CTIF: variants seen among roughly 807,000 people sequenced by gnomAD.
CTIF encodes cap binding complex dependent translation initiation factor.
A neutral mutation model predicts 66.0 loss-of-function variants in CTIF; 21 were observed. The observed-to-expected ratio is 0.32, with a 90% CI of 0.23 to 0.46. The LOEUF (loss-of-function observed/expected upper bound fraction) is 0.46, where lower values mean the gene tolerates loss of function less well. CTIF is among the 20% of genes least tolerant of loss of function. The probability of loss-of-function intolerance (pLI) is 1.00; values close to 1 mark genes in which losing one functional copy is unlikely to be tolerated. For synonymous variants in CTIF, 345 were observed against 326.4 expected, an observed-to-expected ratio of 1.06 and a Z score of -0.62; for missense variants, 739 against 812.7, an observed-to-expected ratio of 0.91 and a Z score of 1.10.
chr18:48,740,053 T>C (rs981751361), intron 7 of CTIF, among the ~76,000 whole-genome samples: 2 of 152,240 alleles, frequency 1.3e-5, no homozygotes, highest in African/African-American at 2.4e-5. Flanking sequence ...GGTGCTATTA[T>C]GTTCACATCT....
At chr18:48,745,590 G>A (rs1020913897) in intron 7 of CTIF, among the ~76,000 whole-genome samples, 1 of 152,156 alleles carries the variant, frequency 6.6e-6, no homozygotes, top group African/African-American at 2.4e-5. Context: ...TATCATAAGG[G>A]AAAGCCTTTC....
intron 1 of CTIF, among the ~76,000 whole-genome samples, chr18:48,606,649 A>T (rs1806082351): frequency 6.6e-6 from 1 of 152,178 alleles, no homozygotes; most frequent in South Asian, 2.1e-4. Context: ...AGGAGGGACG[A>T]CAGGGTCTAG....
chr18:48,783,043 T>G (rs1177429361), intron 9 of CTIF, among the ~76,000 whole-genome samples: 3 of 152,196 alleles, frequency 2.0e-5, no homozygotes, highest in Non-Finnish European at 4.4e-5. Flanking sequence ...CAATTAACAT[T>G]TACCTGTCCT....
chr18:48,791,930 A>C (rs984649597), intron 9 of CTIF, among the ~76,000 whole-genome samples: 1 of 151,648 alleles, frequency 6.6e-6, no homozygotes, highest in Non-Finnish European at 1.5e-5. Flanking sequence ...TTCATTCAAC[A>C]CTCCATGAAT....
chr18:48,776,324 C>G (rs555314356), intron 9 of CTIF, among the ~76,000 whole-genome samples: 55 of 152,364 alleles, frequency 3.6e-4, no homozygotes, highest in African/African-American at 1.3e-3. Context: ...GCCCACCGCC[C>G]AACCAGGCAC....
intron 3 of CTIF, among the ~76,000 whole-genome samples, chr18:48,651,569 T>G (rs2091156604): frequency 6.6e-6 from 1 of 151,870 alleles, no homozygotes; most frequent in African/African-American, 2.4e-5. Flanking sequence ...AGACAGAAGG[T>G]TAACAAGGAT....
chr18:48,814,540 C>A (rs752384705), intron 9 of CTIF, among the ~76,000 whole-genome samples: 17 of 152,164 alleles, frequency 1.1e-4, no homozygotes, highest in Non-Finnish European at 1.5e-4. Context: ...CCTTAGTTGT[C>A]CCCATTTTAA....
chr18:48,630,334 T>C (rs2090680771), intron 2 of CTIF, among the ~76,000 whole-genome samples: 1 of 152,204 alleles, frequency 6.6e-6, no homozygotes, highest in African/African-American at 2.4e-5. Context: ...AAGTAGCTTC[T>C]CACTTGTCTT....
chr18:48,622,519 G>A (rs1320735716), intron 2 of CTIF, among the ~76,000 whole-genome samples: 1 of 152,170 alleles, frequency 6.6e-6, no homozygotes, highest in Non-Finnish European at 1.5e-5. Flanking sequence ...TGAGGAATGT[G>A]GGAGCAAGGT....
At chr18:48,692,006 C>T (rs1287765701) in intron 6 of CTIF, among the ~76,000 whole-genome samples, 1 of 152,268 alleles carries the variant, frequency 6.6e-6, no homozygotes, top group East Asian at 1.9e-4. Flanking sequence ...TTCAGCCTCC[C>T]GAGTAGCTGG....
At chr18:48,766,685 C>A (rs1909577167) in intron 9 of CTIF, among the ~76,000 whole-genome samples, 1 of 152,200 alleles carries the variant, frequency 6.6e-6, no homozygotes, top group African/African-American at 2.4e-5. Flanking sequence ...ATGCCGCGAA[C>A]CAGTCAAGAA....
chr18:48,760,013 ACTTTC>A (rs1358064388), intron 8 of CTIF, among the ~76,000 whole-genome samples: 1 of 152,180 alleles, frequency 6.6e-6, no homozygotes, highest in East Asian at 1.9e-4. Context: ...GGAGAGCAAC[ACTTTC>A]CTTCTCTCTT....
intron 3 of CTIF, among the ~76,000 whole-genome samples, chr18:48,653,175 G>A (rs1207731385): frequency 6.6e-6 from 1 of 152,226 alleles, no homozygotes; most frequent in Non-Finnish European, 1.5e-5. Flanking sequence ...ATGAGGAAAA[G>A]AGGAAATCAA....
Position 48,617,324 on chromosome 18 carries a change from G to A in CTIF, c.-28-2214G>A, listed in dbSNP as rs186667649. On this transcript the variant is annotated intron_variant, in intron 1 of 11. Coordinates refer to ENST00000256413, the MANE Select transcript of CTIF (RefSeq NM_014772.3). Reference sequence around the variant, plus strand: ...TGAGCTCTAGTCCCAGATTTAATGGGCTCAAGTGCTTGGGTCAGGCCCTCC... The same window carrying A: ...TGAGCTCTAGTCCCAGATTTAATGGACTCAAGTGCTTGGGTCAGGCCCTCC... Among the ~76,000 whole-genome samples the A allele has an allele frequency of 3.3e-3, 499 of 152,306 alleles. 2 individuals are homozygous for A. The highest frequency in any genetic ancestry group is 5.8e-3 in the Non-Finnish European group (396 of 68,034).
At chr18:48,562,084 G>A (rs574406399) in intron 1 of CTIF, among the ~76,000 whole-genome samples, 2 of 152,154 alleles carry the variant, frequency 1.3e-5, no homozygotes, top group Non-Finnish European at 2.9e-5. Flanking sequence ...TAAAACAATG[G>A]TTTTCAACTT....
chr18:48,650,525 G>T (rs2091136534), intron 3 of CTIF, among the ~76,000 whole-genome samples: 1 of 151,730 alleles, frequency 6.6e-6, no homozygotes, highest in Middle Eastern at 3.4e-3. Flanking sequence ...AAAGCAAAAG[G>T]GAGAACCAAG....
chr18:48,758,491 G>A, intron 8 of CTIF, 86 bp downstream of exon 8: 1 of 1,483,422 alleles, frequency 6.7e-7, no homozygotes, highest in Non-Finnish European at 9.0e-7. Context: ...ACAGTGCAGA[G>A]CCTTGTGGGT....
chr18:48,699,432 G>GGCTGGGGCTGGGGCTGGA (rs1185514123), intron 6 of CTIF, among the ~76,000 whole-genome samples: 1 of 151,808 alleles, frequency 6.6e-6, no homozygotes, highest in Non-Finnish European at 1.5e-5. Context: ...CTGGGGCTGG[G>GGCTGGGGCTGGGGCTGGA]GCTGGAGCCG....
At chr18:48,771,993 G>T (rs922854133) in intron 9 of CTIF, among the ~76,000 whole-genome samples, 22 of 152,212 alleles carry the variant, frequency 1.4e-4, no homozygotes, top group African/African-American at 4.8e-4. Context: ...ACTGCTCACC[G>T]CCCTGTCCCT....
Sources: gnomAD v4.1 joint callset for allele counts (sites outside exome capture counted in the v4.1 genomes callset) on GRCh38, gnomAD v4.1.1 for gene constraint, MANE v1.5 for transcripts, NCBI Gene and HGNC (gene_info 2026-07-23, HGNC 2026-07-21) for gene names.